GRM7: variants seen among roughly 807,000 people sequenced by gnomAD.
The protein encoded by GRM7 is metabotropic glutamate receptor 7.
GRM7 carries 35 observed loss-of-function variants against 84.5 expected under a neutral mutation model. The ratio of observed to expected loss-of-function variants is 0.41; its 90% confidence interval spans 0.32 to 0.55. The LOEUF (loss-of-function observed/expected upper bound fraction) is 0.55, where lower values mean the gene tolerates loss of function less well. Among genes scored for constraint, GRM7 ranks in the 20% least tolerant of loss-of-function variants. The probability of loss-of-function intolerance (pLI) is 0.19; values close to 1 mark genes in which losing one functional copy is unlikely to be tolerated. For missense variants in GRM7, 1,003 were observed against 1,194.6 expected (o/e 0.84, Z 2.36); for synonymous variants, 487 against 455.1 (o/e 1.07, Z -0.89).
chr3:7,111,287 A>T (rs1234233948), intron 1 of GRM7, among the ~76,000 whole-genome samples: 3 of 152,114 alleles, frequency 2.0e-5, no homozygotes, highest in Admixed American at 6.6e-5. Flanking sequence ...TTACTTTAGG[A>T]TATACATGGT....
intron 1 of GRM7, among the ~76,000 whole-genome samples, chr3:6,919,365 A>ATTTTTT (rs60633616): frequency 9.1e-6 from 1 of 109,486 alleles, no homozygotes; most frequent in Non-Finnish European, 1.9e-5. Flanking sequence ...TGCCTGGCTA[A>ATTTTTT]TTTTTTTTTT....
intron 9 of GRM7, chr3:7,686,518 T>C (rs369414367): frequency 1.2e-5 from 9 of 724,408 alleles, no homozygotes; most frequent in African/African-American, 1.1e-4. Context: ...AATGTTTCCA[T>C]GGAAACTGTG....
At chr3:7,466,622 C>A (rs184792445) in intron 7 of GRM7, among the ~76,000 whole-genome samples, 1 of 152,316 alleles carries the variant, frequency 6.6e-6, no homozygotes, top group African/African-American at 2.4e-5. Context: ...AACCAAAATT[C>A]TCTAATATGC....
At chr3:7,200,809 C>A (rs1032866474) in intron 2 of GRM7, among the ~76,000 whole-genome samples, 12 of 152,094 alleles carry the variant, frequency 7.9e-5, no homozygotes, top group Admixed American at 3.9e-4. Context: ...GCAACAATTG[C>A]AGTTTCTCAA....
chr3:7,032,648 A>G (rs1368044686), intron 1 of GRM7, among the ~76,000 whole-genome samples: 1 of 152,144 alleles, frequency 6.6e-6, no homozygotes, highest in Non-Finnish European at 1.5e-5. Flanking sequence ...GGAAGATACT[A>G]TGGCATGAGT....
intron 1 of GRM7, among the ~76,000 whole-genome samples, chr3:6,983,132 T>G (rs983138157): frequency 3.9e-5 from 6 of 152,208 alleles, no homozygotes; most frequent in Non-Finnish European, 8.8e-5. Flanking sequence ...TATTTTGTAT[T>G]CAATAAGCAA....
intron 7 of GRM7, among the ~76,000 whole-genome samples, chr3:7,578,198 C>A (rs1410429558): frequency 6.6e-6 from 1 of 152,050 alleles, no homozygotes; most frequent in Non-Finnish European, 1.5e-5. Context: ...TCAGGGAATT[C>A]TTAAGATCTG....
At chr3:7,006,044 G>A (rs1031767231) in intron 1 of GRM7, among the ~76,000 whole-genome samples, 1 of 152,106 alleles carries the variant, frequency 6.6e-6, no homozygotes, top group African/African-American at 2.4e-5. Flanking sequence ...AAAGAAAAAT[G>A]GGATGCTGTA....
At chr3:7,020,255 A>G (rs1695728299) in intron 1 of GRM7, among the ~76,000 whole-genome samples, 1 of 152,348 alleles carries the variant, frequency 6.6e-6, no homozygotes, top group Admixed American at 6.5e-5. Context: ...AGCCAAACTG[A>G]AAAGCCTGTA....
intron 7 of GRM7, among the ~76,000 whole-genome samples, chr3:7,522,408 A>G (rs1218019594): frequency 1.3e-5 from 2 of 152,094 alleles, no homozygotes; most frequent in African/African-American, 4.8e-5. Context: ...TTGTACTTCC[A>G]TATGTACCAT....
At chr3:7,458,948 T>G (rs1276683115) in intron 6 of GRM7, among the ~76,000 whole-genome samples, 2 of 152,204 alleles carry the variant, frequency 1.3e-5, no homozygotes, top group Non-Finnish European at 2.9e-5. Context: ...TCTTATATGC[T>G]CGCAAGACTT....
chr3:7,276,970 T>C (rs1699096783), intron 2 of GRM7, among the ~76,000 whole-genome samples: 2 of 151,984 alleles, frequency 1.3e-5, no homozygotes, highest in Non-Finnish European at 2.9e-5. Flanking sequence ...GCATTGAGGG[T>C]TGGTTGGTTG....
chr3:7,674,088 G>C (rs1366250951), intron 8 of GRM7, among the ~76,000 whole-genome samples: 2 of 152,182 alleles, frequency 1.3e-5, no homozygotes, highest in Admixed American at 6.5e-5. Context: ...AGTATCAGGG[G>C]CAGAGCAGTG....
At chr3:7,654,163 C>G (rs1385266315) in intron 8 of GRM7, among the ~76,000 whole-genome samples, 1 of 152,080 alleles carries the variant, frequency 6.6e-6, no homozygotes, top group Non-Finnish European at 1.5e-5. Flanking sequence ...TATGGCAAGC[C>G]CCTTCAAAAC....
At chr3:7,058,711 C>T (rs907223151) in intron 1 of GRM7, among the ~76,000 whole-genome samples, 7 of 151,636 alleles carry the variant, frequency 4.6e-5, no homozygotes, top group South Asian at 2.1e-4. Context: ...AAGAGTATAC[C>T]GAACAAAGGA....
intron 1 of GRM7, among the ~76,000 whole-genome samples, chr3:7,085,886 TA>T (rs1332186739): frequency 6.6e-6 from 1 of 152,164 alleles, no homozygotes; most frequent in Admixed American, 6.6e-5. Flanking sequence ...CAACATATTT[TA>T]AAGATGAAAA....
intron 7 of GRM7, among the ~76,000 whole-genome samples, chr3:7,562,540 TG>T (rs1694075881): frequency 6.6e-6 from 1 of 152,050 alleles, no homozygotes; most frequent in Non-Finnish European, 1.5e-5. Context: ...CTATAAGTTT[TG>T]CAATGACCCT....
intron 2 of GRM7, among the ~76,000 whole-genome samples, chr3:7,261,108 T>C (rs1272840775): frequency 6.6e-5 from 10 of 152,148 alleles, no homozygotes; most frequent in Non-Finnish European, 2.9e-5. Context: ...TCTTTCCACA[T>C]CTGCTTTCAT....
At chr3:7,689,363 G>A (rs962788648) in intron 9 of GRM7, among the ~76,000 whole-genome samples, 4 of 152,154 alleles carry the variant, frequency 2.6e-5, no homozygotes, top group Non-Finnish European at 4.4e-5. Flanking sequence ...AACATTCAAT[G>A]TGTTATCTCT....
Sources: allele counts gnomAD v4.1 joint callset (sites outside exome capture counted in the v4.1 genomes callset), GRCh38; gene constraint gnomAD v4.1.1; transcripts MANE v1.5; gene names NCBI Gene and HGNC (gene_info 2026-07-23, HGNC 2026-07-21).